Variants in ARHGAP42 observed in about 807,000 individuals in gnomAD.
The protein encoded by ARHGAP42 is rho GTPase-activating protein 42.
In ARHGAP42, 63 loss-of-function variants were observed where a neutral mutation model predicts 125.0. The observed-to-expected ratio is 0.50, with a 90% confidence interval of 0.41 to 0.62. ARHGAP42 has a LOEUF of 0.62. Ranked by LOEUF, ARHGAP42 falls within the 20% of genes least tolerant of loss-of-function variation. The pLI, the probability that ARHGAP42 is intolerant of heterozygous loss-of-function variation, is 0.00. For synonymous variants in ARHGAP42, 339 were observed against 351.0 expected, an observed-to-expected ratio of 0.97 and a Z score of 0.38; for missense variants, 766 against 1,024.2, an observed-to-expected ratio of 0.75 and a Z score of 3.44.
chr11:100,901,467 A>G (rs1269146008), intron 4 of ARHGAP42, among the ~76,000 whole-genome samples: 1 of 152,226 alleles, frequency 6.6e-6, no homozygotes, highest in African/African-American at 2.4e-5. Flanking sequence ...GGGACACTGA[A>G]GTCTGCAGAA....
At chr11:100,764,643 G>A (rs1255938137) in intron 1 of ARHGAP42, among the ~76,000 whole-genome samples, 1 of 152,152 alleles carries the variant, frequency 6.6e-6, no homozygotes, top group Admixed American at 6.5e-5. Context: ...TGTTTTACAA[G>A]TGACTGTAAA....
intron 2 of ARHGAP42, among the ~76,000 whole-genome samples, chr11:100,790,592 T>C (rs553376584): frequency 2.0e-5 from 3 of 152,220 alleles, no homozygotes; most frequent in Non-Finnish European, 4.4e-5. Flanking sequence ...TTTCCCAAAG[T>C]GTCCGGCCTA....
chr11:100,717,925 A>G (rs77481628), intron 1 of ARHGAP42, among the ~76,000 whole-genome samples: 9 of 151,594 alleles, frequency 5.9e-5, no homozygotes, highest in Admixed American at 6.6e-5. Flanking sequence ...CTCTGCCTTA[A>G]AAAAAAAAAA....
At chr11:100,929,401 C>T (rs527833513) in intron 6 of ARHGAP42, among the ~76,000 whole-genome samples, 2 of 152,158 alleles carry the variant, frequency 1.3e-5, no homozygotes, top group Non-Finnish European at 2.9e-5. Flanking sequence ...TATAAACGTT[C>T]ATGTACAAAT....
intron 3 of ARHGAP42, among the ~76,000 whole-genome samples, chr11:100,797,900 C>T (rs1198769260): frequency 6.6e-6 from 1 of 152,142 alleles, no homozygotes; most frequent in Non-Finnish European, 1.5e-5. Flanking sequence ...TCTAGTGATT[C>T]CTGCTCACAA....
chr11:100,989,500 T>G lies in ARHGAP42; in HGVS notation c.*699T>G, dbSNP rs1207149348. The G allele has an allele frequency of 5.5e-6, 1 of 180,852 alleles. No individual in the cohort carries two copies. Among genetic ancestry groups the G allele is most frequent in the Non-Finnish European group, 1.1e-5 (1 of 87,174 alleles). 11.2% of individuals were successfully genotyped at this position (180,852 alleles called of 1,614,324 possible). On this transcript the variant is annotated 3_prime_UTR_variant, in exon 24 of 24. Coordinates refer to ENST00000298815, the MANE Select transcript of ARHGAP42 (RefSeq NM_152432.4). ...TGTAAAGGCCTGATAGCAAATATTT[T>G]TGTGGTGGGTTGAATTTGGCTTATG... is the stretch of plus-strand genomic sequence containing the variant.
intron 1 of ARHGAP42, among the ~76,000 whole-genome samples, chr11:100,730,486 G>A (rs574876002): frequency 7.2e-5 from 11 of 152,250 alleles, no homozygotes; most frequent in African/African-American, 2.4e-4. Flanking sequence ...AGCCAATGTT[G>A]CTTTCTCACA....
At chr11:100,986,943 G>A (rs77188530) in intron 22 of ARHGAP42, among the ~76,000 whole-genome samples, 13,936 of 151,958 alleles carry the variant, frequency 0.092, 918 homozygotes, top group Non-Finnish European at 0.13. Context: ...TTAAGGATGG[G>A]TGTACCCTGG....
At chr11:100,964,974 G>T (rs1188235679) in intron 16 of ARHGAP42, among the ~76,000 whole-genome samples, 1 of 152,108 alleles carries the variant, frequency 6.6e-6, no homozygotes, top group Admixed American at 6.6e-5. Context: ...AAGAAAAAGA[G>T]GTTTAATTGA....
intron 4 of ARHGAP42, among the ~76,000 whole-genome samples, chr11:100,902,700 CTG>C (rs1231368497): frequency 6.6e-6 from 1 of 152,016 alleles, no homozygotes; most frequent in African/African-American, 2.4e-5. Context: ...GTGCAGACTC[CTG>C]CTGCAGTGGG....
intron 4 of ARHGAP42, among the ~76,000 whole-genome samples, chr11:100,894,125 A>G (rs1866285775): frequency 6.6e-6 from 1 of 152,186 alleles, no homozygotes; most frequent in Non-Finnish European, 1.5e-5. Context: ...AGTAATGGAA[A>G]ATTTTCAGTC....
intron 1 of ARHGAP42, among the ~76,000 whole-genome samples, chr11:100,743,523 T>C (rs957891152): frequency 6.6e-6 from 1 of 152,208 alleles, no homozygotes; most frequent in African/African-American, 2.4e-5. Context: ...ACTTTATATG[T>C]AGCCCAATGA....
At chr11:100,879,650 G>T (rs1865909560) in intron 4 of ARHGAP42, among the ~76,000 whole-genome samples, 1 of 152,130 alleles carries the variant, frequency 6.6e-6, no homozygotes, top group Non-Finnish European at 1.5e-5. Context: ...GACTTTGCCT[G>T]CCATGCCTAT....
At chr11:100,693,867 G>A (rs1292358077) in intron 1 of ARHGAP42, among the ~76,000 whole-genome samples, 1 of 151,874 alleles carries the variant, frequency 6.6e-6, no homozygotes, top group African/African-American at 2.4e-5. Flanking sequence ...TGTTAATGAT[G>A]GTGTTTAAGA....
chr11:100,885,625 AATTT>A (rs1866072903), intron 4 of ARHGAP42, among the ~76,000 whole-genome samples: 2 of 152,304 alleles, frequency 1.3e-5, no homozygotes, highest in Non-Finnish European at 1.5e-5. Context: ...TATTTTTGAA[AATTT>A]ATTTATCATG....
At chr11:100,760,156 T>A (rs903937297) in intron 1 of ARHGAP42, among the ~76,000 whole-genome samples, 15 of 152,172 alleles carry the variant, frequency 9.9e-5, no homozygotes, top group African/African-American at 3.6e-4. Flanking sequence ...ATGATGCAGA[T>A]TTGCAGTCCT....
intron 4 of ARHGAP42, among the ~76,000 whole-genome samples, chr11:100,878,409 C>A (rs12296010): frequency 6.6e-6 from 1 of 152,046 alleles, no homozygotes; most frequent in Non-Finnish European, 1.5e-5. Context: ...ATTCTCCATG[C>A]GGTAGTAGGA....
intron 6 of ARHGAP42, among the ~76,000 whole-genome samples, chr11:100,929,293 G>A (rs1415954854): frequency 1.3e-5 from 2 of 152,160 alleles, no homozygotes; most frequent in Non-Finnish European, 2.9e-5. Flanking sequence ...ATAGGAGGCA[G>A]AGCTCACCCA....
At chr11:100,902,707 A>T (rs536834481) in intron 4 of ARHGAP42, among the ~76,000 whole-genome samples, 52 of 152,148 alleles carry the variant, frequency 3.4e-4, no homozygotes, top group African/African-American at 1.1e-3. Flanking sequence ...CTCCTGCTGC[A>T]GTGGGAACCG....
Sources: gnomAD v4.1 joint callset for allele counts (sites outside exome capture counted in the v4.1 genomes callset) on GRCh38, gnomAD v4.1.1 for gene constraint, MANE v1.5 for transcripts, NCBI Gene and HGNC (gene_info 2026-07-23, HGNC 2026-07-21) for gene names.